Variants in GRB2 observed in about 807,000 individuals in gnomAD.
GRB2 encodes growth factor receptor-bound protein 2.
A neutral mutation model predicts 27.4 loss-of-function variants in GRB2; 2 were observed. The observed-to-expected ratio is 0.07, with a 90% CI of 0.03 to 0.23. The LOEUF is 0.23. Ranked by LOEUF, GRB2 falls within the 10% of genes least tolerant of loss-of-function variation. The probability of loss-of-function intolerance (pLI) is 1.00; values close to 1 mark genes in which losing one functional copy is unlikely to be tolerated. For missense variants in GRB2, 102 were observed against 282.4 expected, an observed-to-expected ratio of 0.36 and a Z score of 4.58; for synonymous variants, 94 against 99.6, an observed-to-expected ratio of 0.94 and a Z score of 0.33.
intron 3 of GRB2, among the ~76,000 whole-genome samples, chr17:75,330,024 A>G (rs897529524): frequency 6.6e-6 from 1 of 152,090 alleles, no homozygotes; most frequent in African/African-American, 2.4e-5. Flanking sequence ...AATAGGCTGG[A>G]GTGCAGTGGC....
chr17:75,404,111 T>TAA, intron 1 of GRB2, among the ~76,000 whole-genome samples: 1 of 142,706 alleles, frequency 7.0e-6, no homozygotes, highest in Middle Eastern at 3.7e-3. Flanking sequence ...AAACTCTGCC[T>TAA]AAAAAAAAAA....
At chr17:75,338,128 C>A (rs970798150) in intron 2 of GRB2, among the ~76,000 whole-genome samples, 1 of 151,902 alleles carries the variant, frequency 6.6e-6, no homozygotes, top group Non-Finnish European at 1.5e-5. Context: ...TGGGGTTTCA[C>A]CATATTGGTC....
At chr17:75,385,411 C>A (rs2145866461) in intron 2 of GRB2, among the ~76,000 whole-genome samples, 1 of 152,240 alleles carries the variant, frequency 6.6e-6, no homozygotes, top group Non-Finnish European at 1.5e-5. Flanking sequence ...GTGGTAGATG[C>A]TTGTAATCCC....
chr17:75,398,207 T>C lies in GRB2; in HGVS notation c.-137-4442A>G, dbSNP rs572721114. Among the ~76,000 whole-genome samples, 16 of 152,320 alleles carry C rather than the reference T, an allele frequency of 1.1e-4. No homozygotes were observed. In the East Asian group the frequency reaches 1.3e-3, roughly 13 times the overall value. On this transcript the variant is annotated intron_variant, in intron 1 of 5. Transcript: ENST00000316804. The stretch of plus-strand genomic sequence containing the variant: ...AACAATCAGAGTTTTCATATACTAA[T>C]TGGCAAATTTTAAAAATATTTATAA...
rs1490048837 is a variant in GRB2 at position 75,405,638 on chromosome 17, C to G, written c.-287G>C. 1.2e-5 allele frequency: 2 copies of G among 162,692 alleles called. No individual in the cohort carries two copies. Among genetic ancestry groups the G allele is most frequent in the African/African-American group, 4.8e-5 (2 of 41,686 alleles). The allele number at this position is 162,692 out of a possible 1,614,324, so 10.1% of individuals were successfully genotyped here. A position where few individuals can be genotyped will look rare whatever the true frequency, so the allele number is the denominator to read the frequency against. ...GACTCTGCCACAGCCGCCGCCGCCGCTGCCGCCGCCCGGTCGCCGAAGCAG... is the reference window on the plus strand; with the variant it reads ...GACTCTGCCACAGCCGCCGCCGCCGGTGCCGCCGCCCGGTCGCCGAAGCAG... On this transcript the variant is annotated 5_prime_UTR_variant, in exon 1 of 6. Coordinates refer to ENST00000316804, the MANE Select transcript of GRB2 (RefSeq NM_002086.5).
At chr17:75,403,846 G>C (rs1263206121) in intron 1 of GRB2, among the ~76,000 whole-genome samples, 1 of 152,214 alleles carries the variant, frequency 6.6e-6, no homozygotes, top group Non-Finnish European at 1.5e-5. Flanking sequence ...GGGCGCGGTG[G>C]CTCACGCCTG....
At chr17:75,362,061 A>ATAATAATAATCACT (rs2078785887) in intron 2 of GRB2, among the ~76,000 whole-genome samples, 1 of 152,060 alleles carries the variant, frequency 6.6e-6, no homozygotes, top group Admixed American at 6.6e-5. Flanking sequence ...TAATCCTAAG[A>ATAATAATAATCACT]GTACCCACTG....
chr17:75,403,977 G>GTA (rs2079081003), intron 1 of GRB2, among the ~76,000 whole-genome samples: 1 of 151,912 alleles, frequency 6.6e-6, no homozygotes, highest in South Asian at 2.1e-4. Flanking sequence ...GCTGGACATG[G>GTA]TGGTGGGCGC....
At chr17:75,357,426 G>A (rs1347113853) in intron 2 of GRB2, among the ~76,000 whole-genome samples, 1 of 152,178 alleles carries the variant, frequency 6.6e-6, no homozygotes, top group African/African-American at 2.4e-5. Flanking sequence ...CCATAATAAT[G>A]TTAGTAATAG....
At chr17:75,323,062 T>C (rs2078471368) in intron 4 of GRB2, among the ~76,000 whole-genome samples, 1 of 143,546 alleles carries the variant, frequency 7.0e-6, no homozygotes, top group Non-Finnish European at 1.5e-5. Context: ...GAGCTTGCAG[T>C]GAGCCGAGAT....
chr17:75,384,475 C>G (rs1352141590), intron 2 of GRB2, among the ~76,000 whole-genome samples: 2 of 152,038 alleles, frequency 1.3e-5, no homozygotes, highest in Non-Finnish European at 2.9e-5. Context: ...TTGAGACCAG[C>G]CTGGCCGACA....
intron 2 of GRB2, among the ~76,000 whole-genome samples, chr17:75,368,318 C>A (rs557427963): frequency 6.6e-6 from 1 of 150,702 alleles, no homozygotes; most frequent in African/African-American, 2.4e-5. Context: ...CATGGTCAAG[C>A]GATTATCCTG....
intron 1 of GRB2, among the ~76,000 whole-genome samples, chr17:75,396,152 T>C (rs1023123918): frequency 1.3e-5 from 2 of 152,216 alleles, no homozygotes; most frequent in Non-Finnish European, 2.9e-5. Flanking sequence ...CATACTTTTT[T>C]GTACAATCCT....
At chr17:75,352,793 G>A (rs1386739990) in intron 2 of GRB2, among the ~76,000 whole-genome samples, 1 of 151,822 alleles carries the variant, frequency 6.6e-6, no homozygotes, top group Non-Finnish European at 1.5e-5. Flanking sequence ...GAACTGACTA[G>A]CACCAAAATT....
At chr17:75,354,697 C>T (rs1247583005) in intron 2 of GRB2, among the ~76,000 whole-genome samples, 1 of 152,108 alleles carries the variant, frequency 6.6e-6, no homozygotes, top group Admixed American at 6.5e-5. Context: ...GAGCCCACTG[C>T]AGTCTTCCAA....
At chr17:75,374,403 CAAAAAAAAAAA>C (rs56404809) in intron 2 of GRB2, among the ~76,000 whole-genome samples, 5 of 88,800 alleles carry the variant, frequency 5.6e-5, no homozygotes, top group South Asian at 4.2e-4. Context: ...GACTCCATAT[CAAAAAAAAAAA>C]AAAAAAAAAA....
At chr17:75,363,014 T>C (rs2078794942) in intron 2 of GRB2, among the ~76,000 whole-genome samples, 1 of 152,200 alleles carries the variant, frequency 6.6e-6, no homozygotes, top group South Asian at 2.1e-4. Context: ...GGAGAGTAAG[T>C]GCTCTAGGTG....
chr17:75,388,864 A>G (rs2078981401), intron 2 of GRB2, among the ~76,000 whole-genome samples: 2 of 152,204 alleles, frequency 1.3e-5, no homozygotes. Flanking sequence ...GATCTTCTCC[A>G]TTGAGGATCA....
chr17:75,351,016 G>C (rs975389825), intron 2 of GRB2, among the ~76,000 whole-genome samples: 1 of 152,134 alleles, frequency 6.6e-6, no homozygotes, highest in Non-Finnish European at 1.5e-5. Flanking sequence ...TGGGGAATTT[G>C]CTCATTAGGA....
Sources: allele counts gnomAD v4.1 joint callset (sites outside exome capture counted in the v4.1 genomes callset), GRCh38; gene constraint gnomAD v4.1.1; transcripts MANE v1.5; gene names NCBI Gene and HGNC (gene_info 2026-07-23, HGNC 2026-07-21).